CARD8: variants seen among roughly 807,000 people sequenced by gnomAD.
CARD8 encodes the protein caspase recruitment domain family member 8.
CARD8 carries 38 observed loss-of-function variants against 53.2 expected under a neutral mutation model. The ratio of observed to expected loss-of-function variants is 0.71; its 90% confidence interval spans 0.55 to 0.94. CARD8 has a LOEUF of 0.94. CARD8 is among the 40% of genes least tolerant of loss of function. The pLI is 0.00. For missense variants in CARD8, 561 were observed against 655.5 expected (o/e 0.86, Z 1.57); for synonymous variants, 245 against 244.9 (o/e 1.00, Z 0.00).
intron 5 of CARD8, among the ~76,000 whole-genome samples, chr19:48,237,808 A>C (rs2044192872): frequency 6.6e-6 from 1 of 151,804 alleles, no homozygotes; most frequent in Non-Finnish European, 1.5e-5. Flanking sequence ...AAAAAAAAAG[A>C]AAAAAAGTAT....
chr19:48,236,264 G>C (rs1006092454), intron 5 of CARD8, among the ~76,000 whole-genome samples: 1 of 152,200 alleles, frequency 6.6e-6, no homozygotes, highest in Non-Finnish European at 1.5e-5. Flanking sequence ...CCAGGCTGGA[G>C]TGCAGTGGCA....
chr19:48,204,156 G>T (rs2123501829), downstream of CARD8: 1 of 455,504 alleles, frequency 2.2e-6, no homozygotes, highest in Middle Eastern at 3.7e-4. Flanking sequence ...TGAGGAGGCG[G>T]ACGCGGGAAA....
chr19:48,204,953 ACT>A (rs1192768420), downstream of CARD8, among the ~76,000 whole-genome samples: 3 of 151,950 alleles, frequency 2.0e-5, no homozygotes, highest in South Asian at 2.1e-4. Context: ...TATTGTAGTT[ACT>A]CTCTGTTGTT....
chr19:48,220,650 G>A (rs1402060552), intron 11 of CARD8, among the ~76,000 whole-genome samples: 5 of 152,018 alleles, frequency 3.3e-5, no homozygotes, highest in African/African-American at 9.7e-5. Flanking sequence ...GTGGTGGCTC[G>A]AGCCTGTAAT....
Position 48,242,020 on chromosome 19 carries a change from AC to A in CARD8, c.-43-958del, listed in dbSNP as rs2045227129. ...CAGGCACGCACACCCAGCCACAGGCACCCACGCATCCACCTTCTGTCTCCAT... is the reference window on the plus strand; with the variant it reads ...CAGGCACGCACACCCAGCCACAGGCACCACGCATCCACCTTCTGTCTCCAT... On this transcript the variant is annotated intron_variant, in intron 3 of 13. Coordinates refer to ENST00000651546, the MANE Select transcript of CARD8 (RefSeq NM_001184900.3). 2.0e-5 allele frequency among the ~76,000 whole-genome samples: 3 copies of A among 152,154 alleles called. No homozygotes were observed. In the South Asian group the frequency reaches 6.2e-4, roughly 32 times the overall value.
At chr19:48,238,197 T>C in intron 5 of CARD8, 186 bp downstream of exon 5, 1 of 1,125,858 alleles carries the variant, frequency 8.9e-7, no homozygotes. Flanking sequence ...AGACCTTTTT[T>C]CCCTACTTCT....
At chr19:48,240,814 T>C (rs1044536804) in intron 4 of CARD8, 148 bp downstream of exon 4, 5 of 688,980 alleles carry the variant, frequency 7.3e-6, no homozygotes, top group Non-Finnish European at 1.2e-5. Context: ...GAGTTTTCCC[T>C]TCATTCATGC....
At chr19:48,243,420 ATCAC>A (rs2045562526) in intron 3 of CARD8, among the ~76,000 whole-genome samples, 1 of 152,224 alleles carries the variant, frequency 6.6e-6, no homozygotes, top group Non-Finnish European at 1.5e-5. Context: ...ATGCATAATA[ATCAC>A]TCACAGGTTC....
At chr19:48,232,728 G>A (rs1240861550) in intron 6 of CARD8, 1 of 657,248 alleles carries the variant, frequency 1.5e-6, no homozygotes, top group African/African-American at 1.8e-5. Flanking sequence ...ATAACACTGT[G>A]TAGCAGAGAA....
chr19:48,232,403 A>T, intron 7 of CARD8, 50 bp downstream of exon 7: 1 of 1,471,534 alleles, frequency 6.8e-7, no homozygotes, highest in Non-Finnish European at 9.2e-7. Flanking sequence ...ATCACAGAAC[A>T]TTTCCATCAA....
At position 48,230,542 on chromosome 19, in the gene CARD8, G is replaced by C. The variant is rs764985577; in HGVS notation, c.931C>G (p.Leu311Val). The C allele has an allele frequency of 1.2e-6, 2 of 1,614,070 alleles. No homozygotes were observed. The highest frequency in any genetic ancestry group is 1.1e-5 in the South Asian group (1 of 91,092). The change falls in exon 10 of 14, where the codon CTC becomes GTC. Residue 311 changes from leucine (L) to valine (V), a missense_variant. Transcript: ENST00000651546. ...GTGTTGGAAGTGATGGGGATGGAGA[G>C]GCGAGTCCCACTGGCGATCCGCAGC... ...ILLRIASGTR[L>V]SIPITSNTLI... is the part of the protein sequence containing the mutation.
At chr19:48,241,655 G>T (rs527976844) in intron 3 of CARD8, among the ~76,000 whole-genome samples, 1 of 152,238 alleles carries the variant, frequency 6.6e-6, no homozygotes, top group South Asian at 2.1e-4. Context: ...AGAGGCAAAA[G>T]TGTGATTATT....
chr19:48,203,468 G>A (rs1317218749), downstream of CARD8: 2 of 152,176 alleles, frequency 1.3e-5, no homozygotes, highest in Admixed American at 6.5e-5. Context: ...CAGTTGAGGG[G>A]TCATAATAGT....
intron 6 of CARD8, 184 bp downstream of exon 6, chr19:48,234,219 G>T: frequency 1.7e-6 from 1 of 586,412 alleles, no homozygotes. Flanking sequence ...ACACCTCCAT[G>T]GAAGAAAACC....
At chr19:48,253,785 C>T (rs2047234079) in intron 1 of CARD8, among the ~76,000 whole-genome samples, 1 of 152,086 alleles carries the variant, frequency 6.6e-6, no homozygotes, top group Non-Finnish European at 1.5e-5. Context: ...ATATAGTATA[C>T]ACGGGTAGAA....
At chr19:48,218,400 C>G (rs2065946599) in intron 12 of CARD8, among the ~76,000 whole-genome samples, 1 of 144,782 alleles carries the variant, frequency 6.9e-6, no homozygotes, top group Non-Finnish European at 1.5e-5. Flanking sequence ...TCTTATTGCC[C>G]AGGCTGGACT....
intron 3 of CARD8, among the ~76,000 whole-genome samples, chr19:48,245,153 A>G (rs2045895773): frequency 6.6e-6 from 1 of 152,276 alleles, no homozygotes; most frequent in South Asian, 2.1e-4. Context: ...ATAGAGAAAC[A>G]TAACGAATCA....
intron 12 of CARD8, among the ~76,000 whole-genome samples, chr19:48,215,870 T>C (rs2039165898): frequency 1.3e-5 from 2 of 152,194 alleles, no homozygotes; most frequent in South Asian, 4.1e-4. Flanking sequence ...ATGCCTTCAA[T>C]GTGGTTTTGC....
At chr19:48,216,273 C>T (rs1470680597) in intron 12 of CARD8, among the ~76,000 whole-genome samples, 1 of 152,052 alleles carries the variant, frequency 6.6e-6, no homozygotes, top group African/African-American at 2.4e-5. Context: ...ATATGTATTG[C>T]ATGTTGGCTG....
Sources: allele counts gnomAD v4.1 joint callset (sites outside exome capture counted in the v4.1 genomes callset), GRCh38; gene constraint gnomAD v4.1.1; transcripts MANE v1.5; gene names NCBI Gene and HGNC (gene_info 2026-07-23, HGNC 2026-07-21).